ABTB2: variants seen among roughly 807,000 people sequenced by gnomAD.
ABTB2 encodes the protein ankyrin repeat and BTB domain containing 2.
A neutral mutation model predicts 104.1 loss-of-function variants in ABTB2; 56 were observed. The ratio of observed to expected loss-of-function variants is 0.54; its 90% CI spans 0.43 to 0.67. ABTB2 has a LOEUF of 0.67. Ranked by LOEUF, ABTB2 falls within the 30% of genes least tolerant of loss-of-function variation. The pLI is 0.00. For synonymous variants in ABTB2, 606 were observed against 608.2 expected (o/e 1.00, Z 0.05); for missense variants, 1,279 against 1,407.7 (o/e 0.91, Z 1.46).
chr11:34,165,139 A>G, intron 8 of ABTB2, 121 bp downstream of exon 8: 5 of 947,424 alleles, frequency 5.3e-6, no homozygotes, highest in Non-Finnish European at 7.7e-6. Context: ...AGGGGTTTTA[A>G]GGCCCCTGCA....
At chr11:34,335,205 T>C in intron 1 of ABTB2, 1 of 1,270,452 alleles carries the variant, frequency 7.9e-7, no homozygotes, top group Non-Finnish European at 1.2e-6. Context: ...CCAGAGACTA[T>C]GACGAATCAC....
intron 1 of ABTB2, among the ~76,000 whole-genome samples, chr11:34,280,986 G>T (rs1192909524): frequency 6.6e-6 from 1 of 152,198 alleles, no homozygotes; most frequent in Admixed American, 6.5e-5. Flanking sequence ...AAGCAGGGGA[G>T]GTTGTTTCAA....
At chr11:34,232,775 C>T (rs1853789207) in intron 1 of ABTB2, among the ~76,000 whole-genome samples, 1 of 151,862 alleles carries the variant, frequency 6.6e-6, no homozygotes, top group Non-Finnish European at 1.5e-5. Flanking sequence ...GTTTGGGCAA[C>T]ATAGTGGGAC....
At chr11:34,184,927 A>G (rs1853078129) in intron 3 of ABTB2, among the ~76,000 whole-genome samples, 1 of 152,196 alleles carries the variant, frequency 6.6e-6, no homozygotes, top group Non-Finnish European at 1.5e-5. Flanking sequence ...GGGACCTCCA[A>G]CCTGCTCAAA....
intron 1 of ABTB2, among the ~76,000 whole-genome samples, chr11:34,222,880 G>C (rs1269995384): frequency 6.6e-6 from 1 of 152,164 alleles, no homozygotes; most frequent in Non-Finnish European, 1.5e-5. Context: ...CCAGTTTCTG[G>C]GGGAACGACA....
At position 34,160,900 on chromosome 11, in the gene ABTB2, T is replaced by TA; in HGVS notation, c.2397+2dup. The TA allele has an allele frequency of 2.5e-6, 4 of 1,599,296 alleles. No homozygotes were observed. The East Asian group carries it at 6.7e-5, about 27-fold the overall frequency. ...TTGGGAACTGGCCACTGGCCACACT[T>TA]ACTTTGCTGGTCTTGAGGATGTCGA... On this transcript the variant is annotated splice_region_variant and intron_variant, in intron 11 of 16. Transcript: ENST00000435224.
chr11:34,346,566 C>T (rs560432931), intron 1 of ABTB2, among the ~76,000 whole-genome samples: 201 of 152,218 alleles, frequency 1.3e-3, no homozygotes, highest in Non-Finnish European at 2.3e-3. Flanking sequence ...AAGAGCTCGT[C>T]CAGCACCATC....
chr11:34,292,702 C>T (rs911500), intron 1 of ABTB2, among the ~76,000 whole-genome samples: 119,451 of 152,046 alleles, frequency 0.79, 47,793 homozygotes, highest in African/African-American at 0.94. Context: ...GGAAAGCGAA[C>T]GGAGAGGGAC....
chr11:34,288,864 A>T (rs1395024637), intron 1 of ABTB2, among the ~76,000 whole-genome samples: 1 of 152,198 alleles, frequency 6.6e-6, no homozygotes, highest in East Asian at 1.9e-4. Context: ...ACGTTCCTGC[A>T]TCTGGTCATA....
At chr11:34,246,470 G>T (rs1378545501) in intron 1 of ABTB2, among the ~76,000 whole-genome samples, 1 of 151,788 alleles carries the variant, frequency 6.6e-6, no homozygotes, top group Non-Finnish European at 1.5e-5. Flanking sequence ...GCGTAATGGT[G>T]CATGCCTGTA....
At chr11:34,307,854 A>G (rs1006850757) in intron 1 of ABTB2, among the ~76,000 whole-genome samples, 1 of 152,184 alleles carries the variant, frequency 6.6e-6, no homozygotes, top group Non-Finnish European at 1.5e-5. Context: ...ACGCGCCACC[A>G]TGCCCAGCTA....
chr11:34,204,951 T>C (rs1824087203), intron 1 of ABTB2, among the ~76,000 whole-genome samples: 1 of 152,228 alleles, frequency 6.6e-6, no homozygotes, highest in Admixed American at 6.5e-5. Context: ...CTCAAGAAAC[T>C]GGCCTTCTTG....
At chr11:34,212,435 AT>A (rs1348317227) in intron 1 of ABTB2, among the ~76,000 whole-genome samples, 1 of 152,190 alleles carries the variant, frequency 6.6e-6, no homozygotes. Flanking sequence ...TCTGCCAGGG[AT>A]TGGATGAACG....
intron 1 of ABTB2, among the ~76,000 whole-genome samples, chr11:34,299,463 C>T (rs558170220): frequency 8.5e-5 from 13 of 152,306 alleles, no homozygotes; most frequent in South Asian, 2.1e-4. Flanking sequence ...TGGAAAGCCA[C>T]GGTAGTATAC....
chr11:34,254,548 A>T (rs1162915119), intron 1 of ABTB2, among the ~76,000 whole-genome samples: 1 of 152,108 alleles, frequency 6.6e-6, no homozygotes, highest in Non-Finnish European at 1.5e-5. Flanking sequence ...GTGCTCGGCC[A>T]ATGGAAGCTT....
intron 1 of ABTB2, among the ~76,000 whole-genome samples, chr11:34,244,311 AAAGTGAAAATGG>A (rs1853956128): frequency 6.6e-6 from 1 of 152,240 alleles, no homozygotes; most frequent in Non-Finnish European, 1.5e-5. Flanking sequence ...TTGAAAACTC[AAAGTGAAAATGG>A]AAGCAGGCCC....
At chr11:34,272,706 CAA>C (rs35638814) in intron 1 of ABTB2, among the ~76,000 whole-genome samples, 2 of 41,058 alleles carry the variant, frequency 4.9e-5, no homozygotes, top group East Asian at 9.3e-4. Context: ...GACTCCGTCT[CAA>C]AAAAAAAAAA....
chr11:34,250,490 G>A (rs1234121410), intron 1 of ABTB2, among the ~76,000 whole-genome samples: 1 of 152,214 alleles, frequency 6.6e-6, no homozygotes, highest in East Asian at 1.9e-4. Flanking sequence ...GAGAAAACAA[G>A]TGGAATTTAT....
chr11:34,256,025 AC>A (rs1854118218), intron 1 of ABTB2, among the ~76,000 whole-genome samples: 1 of 152,252 alleles, frequency 6.6e-6, no homozygotes, highest in Admixed American at 6.5e-5. Flanking sequence ...ATGGTGCAGA[AC>A]CCACTAGGTG....
Sources: allele counts gnomAD v4.1 joint callset (sites outside exome capture counted in the v4.1 genomes callset), GRCh38; gene constraint gnomAD v4.1.1; transcripts MANE v1.5; gene names NCBI Gene and HGNC (gene_info 2026-07-23, HGNC 2026-07-21).